The following LINGO1 variants were observed in gnomAD, a reference collection of about 807,000 sequenced individuals.
LINGO1 encodes the protein leucine rich repeat and Ig domain containing 1, also known as leucine-rich repeat and immunoglobulin-like domain-containing nogo receptor-interacting protein 1.
Under a neutral mutation model 37.3 loss-of-function variants are expected in LINGO1, and 11 were observed. That is an observed-to-expected ratio of 0.29 (90% CI 0.19 to 0.49). LINGO1 has a LOEUF of 0.49. LINGO1 is among the 20% of genes least tolerant of loss of function. LINGO1 has a pLI of 0.99. For missense variants in LINGO1, 585 were observed against 878.2 expected, an observed-to-expected ratio of 0.67 and a Z score of 4.22; for synonymous variants, 387 against 403.0, an observed-to-expected ratio of 0.96 and a Z score of 0.48.
rs185100866 is a variant in LINGO1, at chr15:77,631,304, G to A, written c.6+1006C>T. Reference sequence around the variant, plus strand: ...CAGATGCCACAGCCCCTACCTCAGGGCCTCCTGCACTCCCACCCGCTCAGG... The same window carrying A: ...CAGATGCCACAGCCCCTACCTCAGGACCTCCTGCACTCCCACCCGCTCAGG... On this transcript the variant is annotated intron_variant, in intron 1 of 1. Transcript: ENST00000355300. 6.2e-3 allele frequency among the ~76,000 whole-genome samples: 945 copies of A among 152,312 alleles called. 14 individuals are homozygous for A. Among genetic ancestry groups the A allele is most frequent in the African/African-American group, 0.021 (883 of 41,564 alleles).
At chr15:77,712,294 A>G (rs1596143684) in intron 2 of LINGO1, among the ~76,000 whole-genome samples, 2 of 147,568 alleles carry the variant, frequency 1.4e-5, no homozygotes, top group African/African-American at 2.5e-5. Context: ...TACAATCCTC[A>G]CTGCACCGAG....
intron 1 of LINGO1, among the ~76,000 whole-genome samples, chr15:77,796,620 T>C (rs1362209689): frequency 6.6e-6 from 1 of 151,994 alleles, no homozygotes; most frequent in South Asian, 2.1e-4. Context: ...CGAGAGGGGA[T>C]GATGGGCAGC....
rs1223499145 is a variant in LINGO1 at position 77,632,457 on chromosome 15, C to T, written c.-142G>A. On this transcript the variant is annotated 5_prime_UTR_variant, in exon 1 of 2. Transcript: ENST00000355300. The surrounding 1 kb of genome is among the most constrained non-coding windows in gnomAD (Gnocchi z 6.0). ...CTCCGCCCGGCAGTCCGCGCGCCCTCGCGGGGCTGGCTGTCCGTCTGTCCG... is the reference window on the plus strand; with the variant it reads ...CTCCGCCCGGCAGTCCGCGCGCCCTTGCGGGGCTGGCTGTCCGTCTGTCCG... 2 of 921,662 alleles carry T rather than the reference C, an allele frequency of 2.2e-6. No individual in the cohort carries two copies. Among genetic ancestry groups the T allele is most frequent in the Non-Finnish European group, 2.8e-6 (2 of 707,532 alleles). 57.1% of individuals were successfully genotyped at this position (921,662 alleles called of 1,614,324 possible). A position where few individuals can be genotyped will look rare whatever the true frequency, so the allele number is the denominator to read the frequency against.
At chr15:77,729,074 CT>C (rs970603025) in intron 2 of LINGO1, among the ~76,000 whole-genome samples, 1 of 152,232 alleles carries the variant, frequency 6.6e-6, no homozygotes, top group African/African-American at 2.4e-5. Context: ...CCCTGCAAGG[CT>C]TATGGCACCC....
At chr15:77,801,602 T>G (rs2076919312) in intron 1 of LINGO1, among the ~76,000 whole-genome samples, 1 of 152,028 alleles carries the variant, frequency 6.6e-6, no homozygotes, top group Admixed American at 6.6e-5. Context: ...GGTTTTTTTT[T>G]TTTAATCCTT....
chr15:77,725,496 G>A (rs972743607), intron 2 of LINGO1, among the ~76,000 whole-genome samples: 1 of 152,186 alleles, frequency 6.6e-6, no homozygotes, highest in Non-Finnish European at 1.5e-5. Context: ...CCTGGTGGTC[G>A]AGGCTGCAGT....
chr15:77,660,631 C>T (rs1427011239), intron 3 of LINGO1, among the ~76,000 whole-genome samples: 1 of 152,234 alleles, frequency 6.6e-6, no homozygotes, highest in Non-Finnish European at 1.5e-5. Flanking sequence ...TCTCCTTAAA[C>T]TCCCACCAAT....
intron 2 of LINGO1, among the ~76,000 whole-genome samples, chr15:77,718,545 C>G (rs1054825077): frequency 6.6e-6 from 1 of 150,990 alleles, no homozygotes. Flanking sequence ...TTGCATGGCA[C>G]ATGTCCACAC....
At chr15:77,677,428 G>C (rs1029788318) in intron 2 of LINGO1, among the ~76,000 whole-genome samples, 1 of 152,054 alleles carries the variant, frequency 6.6e-6, no homozygotes, top group Non-Finnish European at 1.5e-5. Flanking sequence ...TCAAGGCCCC[G>C]TCTAAGCCCC....
chr15:77,771,602 A>G (rs914915043), intron 1 of LINGO1, among the ~76,000 whole-genome samples: 1 of 152,180 alleles, frequency 6.6e-6, no homozygotes, highest in South Asian at 2.1e-4. Context: ...CCCGGCCTCC[A>G]AGACCCCCAC....
At chr15:77,774,186 G>A (rs2076613723) in intron 1 of LINGO1, among the ~76,000 whole-genome samples, 1 of 152,100 alleles carries the variant, frequency 6.6e-6, no homozygotes, top group Non-Finnish European at 1.5e-5. Context: ...AGAGGGTGGT[G>A]AGTGTGCACG....
intron 2 of LINGO1, among the ~76,000 whole-genome samples, chr15:77,687,054 G>C (rs1412662357): frequency 6.6e-6 from 1 of 152,172 alleles, no homozygotes; most frequent in Non-Finnish European, 1.5e-5. Flanking sequence ...GCATATCCAC[G>C]ACAATGCTGA....
intron 1 of LINGO1, among the ~76,000 whole-genome samples, chr15:77,776,033 A>T (rs1168303086): frequency 6.6e-6 from 1 of 152,020 alleles, no homozygotes; most frequent in Non-Finnish European, 1.5e-5. Flanking sequence ...CCCATATTAC[A>T]GCATGCACAT....
intron 1 of LINGO1, among the ~76,000 whole-genome samples, chr15:77,754,762 C>T (rs948777080): frequency 6.6e-6 from 1 of 152,228 alleles, no homozygotes; most frequent in African/African-American, 2.4e-5. Context: ...CACAGTGCAG[C>T]GTCCTTGGCC....
intron 2 of LINGO1, among the ~76,000 whole-genome samples, chr15:77,703,038 A>G (rs1477659900): frequency 6.6e-6 from 1 of 152,204 alleles, no homozygotes; most frequent in Admixed American, 6.5e-5. Context: ...CTGAGCTGGG[A>G]ACTGCTGAGC....
intron 2 of LINGO1, among the ~76,000 whole-genome samples, chr15:77,705,069 C>T (rs1017168930): frequency 3.3e-5 from 5 of 151,882 alleles, no homozygotes; most frequent in Non-Finnish European, 5.9e-5. Flanking sequence ...GGCAGGGGCA[C>T]GGGGAACCTG....
In LINGO1 at chr15:77,689,061, C is replaced by G. The variant is rs4886893; in HGVS notation, c.-99+1659G>C. Among the ~76,000 whole-genome samples, 435 of 152,056 alleles carry G rather than the reference C, an allele frequency of 2.9e-3. 3 individuals are homozygous for G. Among genetic ancestry groups the G allele is most frequent in the African/African-American group, 0.01 (427 of 41,454 alleles). ...CAGAGGCTTCCTGGAGAAGAAGGGA[C>G]CTGAATTGGGCCTTGAAAAGCAGGA... On this transcript the variant is annotated intron_variant, in intron 2 of 3. Coordinates refer to the LINGO1 transcript ENST00000559893.
intron 1 of LINGO1, among the ~76,000 whole-genome samples, chr15:77,747,871 G>A (rs1424664813): frequency 6.6e-6 from 1 of 151,694 alleles, no homozygotes; most frequent in Non-Finnish European, 1.5e-5. Context: ...ACCTCCACAC[G>A]TCAGTGGAGG....
chr15:77,743,927 T>C (rs1323760736), intron 1 of LINGO1, among the ~76,000 whole-genome samples: 1 of 152,208 alleles, frequency 6.6e-6, no homozygotes, highest in African/African-American at 2.4e-5. Context: ...CCTGCCTTCA[T>C]TTATTGATCC....
Sources: allele counts gnomAD v4.1 joint callset (sites outside exome capture counted in the v4.1 genomes callset), GRCh38; gene constraint gnomAD v4.1.1; non-coding constraint Gnocchi (gnomAD v3.1); transcripts MANE v1.5; gene names NCBI Gene and HGNC (gene_info 2026-07-23, HGNC 2026-07-21).